Variants in ABHD12B observed in about 807,000 individuals in gnomAD.
ABHD12B encodes the protein protein ABHD12B.
In ABHD12B, 42 loss-of-function variants were observed where a neutral mutation model predicts 50.4. That is an observed-to-expected ratio of 0.83 (90% CI 0.65 to 1.08). The LOEUF (loss-of-function observed/expected upper bound fraction) is 1.08, where lower values mean the gene tolerates loss of function less well. Ranked by LOEUF, ABHD12B falls within the 50% of genes least tolerant of loss-of-function variation. The pLI, the probability that ABHD12B is intolerant of heterozygous loss-of-function variation, is 0.00. For missense variants in ABHD12B, 479 were observed against 447.7 expected, an observed-to-expected ratio of 1.07 and a Z score of -0.63; for synonymous variants, 167 against 160.3, an observed-to-expected ratio of 1.04 and a Z score of -0.32.
chr14:50,903,293 G>T, intron 10 of ABHD12B, 96 bp from the exon 11 acceptor site: 1 of 880,750 alleles, frequency 1.1e-6, no homozygotes. Context: ...TTGTAATTTA[G>T]ACAGGCCTCA....
rs1412297410 is a variant in ABHD12B, at chr14:50,903,413, TCTC to T, written c.889_891del (p.Leu297del). 6.2e-6 allele frequency: 10 copies of T among 1,612,490 alleles called. No homozygotes were observed. The highest frequency in any genetic ancestry group is 1.3e-5 in the African/African-American group (1 of 74,842). ...GTGTTAAATTCCTTTCTTCTCCTCTTCTCATCTTACATGGAGAGGATGACAGGA... is the reference window on the plus strand; with the variant it reads ...GTGTTAAATTCCTTTCTTCTCCTCTTATCTTACATGGAGAGGATGACAGGA... On this transcript the variant is annotated inframe_deletion, in exon 11 of 13. Transcript: ENST00000337334.
intron 9 of ABHD12B, among the ~76,000 whole-genome samples, chr14:50,897,861 T>C (rs919793692): frequency 6.6e-6 from 1 of 152,234 alleles, no homozygotes; most frequent in African/African-American, 2.4e-5. Flanking sequence ...AGACAAATAC[T>C]TGTTCCTTTC....
rs1404258463 is a variant in ABHD12B, at chr14:50,903,409, C to T, written c.884C>T (p.Pro295Leu). ...CCTAGTGTTAAATTCCTTTCTTCTC[C>T]TCTTCTCATCTTACATGGAGAGGAT... ...NDENVKFLSS[P>L]LLILHGEDDR... Residue 295 changes from proline to leucine, a missense_variant, in exon 11 of 13, where the codon CCT (proline) becomes CTT (leucine). Physicochemically the swap from Pro to Leu is moderately conservative, Grantham distance 98. Coordinates refer to ENST00000337334, the MANE Select transcript of ABHD12B (RefSeq NM_001206673.2). The T allele has an allele frequency of 6.2e-7, 1 of 1,612,090 alleles. No individual in the cohort carries two copies. Among genetic ancestry groups the T allele is most frequent in the South Asian group, 1.1e-5 (1 of 90,960 alleles).
At position 50,886,171 on chromosome 14, in the gene ABHD12B, C is replaced by G. The variant is rs188822035; in HGVS notation, c.662+276C>G. On this transcript the variant is annotated intron_variant, in intron 7 of 12. Transcript: ENST00000337334. ...AAGGATCCTTGGCCAGGCGGGGTAG[C>G]TCACACCTGTAATTCTAGCACTTTG... Among the ~76,000 whole-genome samples, 3 of 152,290 alleles carry G rather than the reference C, an allele frequency of 2.0e-5. No individual in the cohort carries two copies. In the East Asian group the frequency reaches 5.8e-4, roughly 29 times the overall value.
At position 50,885,915 on chromosome 14, in the gene ABHD12B, G is replaced by A. The variant is rs756180086; in HGVS notation, c.662+20G>A. ...TACAGGGTAAGTGAGATCTGCAAAT[G>A]TGTCCTTAGGCAGGTCCTTGAGGCT... On this transcript the variant is annotated intron_variant, in intron 7 of 12. Coordinates refer to ENST00000337334, the MANE Select transcript of ABHD12B (RefSeq NM_001206673.2). 1.9e-6 allele frequency: 3 copies of A among 1,613,464 alleles called. No individual in the cohort carries two copies. The highest frequency in any genetic ancestry group is 2.2e-5 in the South Asian group (2 of 91,022).
At position 50,872,269 on chromosome 14, in the gene ABHD12B, G is replaced by C; in HGVS notation, c.95G>C (p.Arg32Pro). The change falls in exon 1 of 13, where the codon CGC (arginine) becomes CCC (proline). Residue 32 changes from arginine to proline, a missense_variant. Transcript: ENST00000337334. ...GCCGCCTGGTGGGACATGGTCGACC[G>C]CAACCTGCGGTGAGTACCGCCCGGT... ...CVAAWWDMVD[R>P]NLRYFPHSCS... is the part of the protein sequence containing the mutation. 2 of 1,362,306 alleles carry C rather than the reference G, an allele frequency of 1.5e-6. No homozygotes were observed. The highest frequency in any genetic ancestry group is 1.9e-6 in the Non-Finnish European group (2 of 1,054,636). 84.4% of individuals were successfully genotyped at this position (1,362,306 alleles called of 1,614,324 possible).
intron 10 of ABHD12B, among the ~76,000 whole-genome samples, chr14:50,902,489 CAA>C (rs1219089250): frequency 6.6e-6 from 1 of 152,126 alleles, no homozygotes; most frequent in African/African-American, 2.4e-5. Flanking sequence ...GTAAAACAAA[CAA>C]ACAAACAAAA....
At chr14:50,895,258 C>T (rs565206000) in intron 9 of ABHD12B, among the ~76,000 whole-genome samples, 10 of 150,110 alleles carry the variant, frequency 6.7e-5, no homozygotes, top group Admixed American at 5.9e-4. Context: ...GATTCCGGCC[C>T]TCAAACCCCA....
intron 5 of ABHD12B, among the ~76,000 whole-genome samples, chr14:50,882,613 C>G (rs1040282240): frequency 1.3e-5 from 2 of 151,748 alleles, no homozygotes; most frequent in African/African-American, 4.8e-5. Flanking sequence ...ATCTCCTGAC[C>G]TCGTGATCCG....
At chr14:50,886,575 G>A in intron 7 of ABHD12B, 72 bp from the exon 8 acceptor site, 1 of 1,421,252 alleles carries the variant, frequency 7.0e-7, no homozygotes, top group Non-Finnish European at 9.8e-7. Context: ...GCTTTTATCA[G>A]ATGCTCATAC....
rs922737734 is a variant in ABHD12B, at chr14:50,894,675, T to C, written c.780+5772T>C. On this transcript the variant is annotated intron_variant, in intron 9 of 12. Coordinates refer to ENST00000337334, the MANE Select transcript of ABHD12B (RefSeq NM_001206673.2). The stretch of plus-strand genomic sequence containing the variant: ...CTTGTTGTAAAATAGGCAAACGGTC[T>C]GAGGTGCCTGACGTCCAGGCATTCT... Among the ~76,000 whole-genome samples, 3 of 152,092 alleles carry C rather than the reference T, an allele frequency of 2.0e-5. No homozygotes were observed. In the South Asian group the frequency reaches 6.2e-4, roughly 31 times the overall value.
chr14:50,900,145 C>T (rs8023022), intron 9 of ABHD12B, among the ~76,000 whole-genome samples: 31,828 of 151,776 alleles, frequency 0.21, 3,797 homozygotes, highest in East Asian at 0.46. Context: ...GGAGGGAGGA[C>T]TGCTTGAGCC....
chr14:50,877,281 A>G (rs1437642251), intron 1 of ABHD12B, among the ~76,000 whole-genome samples: 1 of 152,214 alleles, frequency 6.6e-6, no homozygotes, highest in African/African-American at 2.4e-5. Context: ...GAGACTAATG[A>G]TAAGAATAGC....
intron 10 of ABHD12B, among the ~76,000 whole-genome samples, chr14:50,902,660 C>T (rs74511554): frequency 0.036 from 5,439 of 152,182 alleles, 135 homozygotes; most frequent in African/African-American, 0.062. Context: ...AGAATGCTTC[C>T]AAATAGACAG....
intron 10 of ABHD12B, among the ~76,000 whole-genome samples, chr14:50,902,567 C>T (rs181510861): frequency 2.2e-4 from 34 of 152,324 alleles, no homozygotes; most frequent in South Asian, 4.1e-4. Flanking sequence ...AATGAAAACT[C>T]GTCTACCATC....
chr14:50,903,117 T>A (rs1005059809), intron 10 of ABHD12B, among the ~76,000 whole-genome samples: 1 of 95,582 alleles, frequency 1.0e-5, no homozygotes, highest in Non-Finnish European at 2.3e-5. Context: ...TTTGTTTTTT[T>A]TTTTTAGTAT....
At chr14:50,885,690 T>C in intron 6 of ABHD12B, 31 bp downstream of exon 6, 1 of 1,614,168 alleles carries the variant, frequency 6.2e-7, no homozygotes. Flanking sequence ...ACAAAGATGT[T>C]TCAGTAACCA....
rs888239819 is a variant in ABHD12B at position 50,904,712 on chromosome 14, C to A, written c.*346C>A. 8.1e-5 allele frequency: 29 copies of A among 358,988 alleles called. No homozygotes were observed. The highest frequency in any genetic ancestry group is 2.0e-4 in the Admixed American group (5 of 25,410). 22.2% of individuals were successfully genotyped at this position (358,988 alleles called of 1,614,324 possible). A position where few individuals can be genotyped will look rare whatever the true frequency, so the allele number is the denominator to read the frequency against. ...TGGTCCGAATATCTGGGCCTGCCCCCCCAAATTATGCTGAAACCTAATCAC... is the reference window on the plus strand; with the variant it reads ...TGGTCCGAATATCTGGGCCTGCCCCACCAAATTATGCTGAAACCTAATCAC... On this transcript the variant is annotated 3_prime_UTR_variant, in exon 13 of 13. Transcript: ENST00000337334.
chr14:50,885,272 C>T (rs889487580), intron 5 of ABHD12B, among the ~76,000 whole-genome samples: 2 of 152,166 alleles, frequency 1.3e-5, no homozygotes, highest in Admixed American at 6.6e-5. Flanking sequence ...ATGCTTTGAA[C>T]ATACAGATAC....
Sources: allele counts gnomAD v4.1 joint callset (sites outside exome capture counted in the v4.1 genomes callset), GRCh38; gene constraint gnomAD v4.1.1; transcripts MANE v1.5; gene names NCBI Gene and HGNC (gene_info 2026-07-23, HGNC 2026-07-21).